Variants in ME3 observed in about 807,000 individuals in gnomAD.
ME3 encodes malic enzyme 3.
Under a neutral mutation model 68.9 loss-of-function variants are expected in ME3, and 48 were observed. That is an observed-to-expected ratio of 0.70 (90% CI 0.55 to 0.89). The LOEUF (loss-of-function observed/expected upper bound fraction) is 0.89, where lower values mean the gene tolerates loss of function less well. ME3 is among the 40% of genes least tolerant of loss of function. The pLI is 0.00. For synonymous variants in ME3, 320 were observed against 318.8 expected, an observed-to-expected ratio of 1.00 and a Z score of -0.04; for missense variants, 675 against 797.4, an observed-to-expected ratio of 0.85 and a Z score of 1.85.
At chr11:86,501,293 C>T (rs987022873) in intron 5 of ME3, among the ~76,000 whole-genome samples, 1 of 152,002 alleles carries the variant, frequency 6.6e-6, no homozygotes, top group African/African-American at 2.4e-5. Flanking sequence ...ATGGTTGCTG[C>T]TCTTATGACT....
chr11:86,615,051 A>G (rs952941325), intron 2 of ME3, among the ~76,000 whole-genome samples: 2 of 152,224 alleles, frequency 1.3e-5, no homozygotes, highest in Non-Finnish European at 2.9e-5. Context: ...ACGGAGTATG[A>G]AAAACCAAGA....
chr11:86,579,991 A>G (rs10898502), intron 2 of ME3, among the ~76,000 whole-genome samples: 41,126 of 152,118 alleles, frequency 0.27, 7,787 homozygotes, highest in African/African-American at 0.54. Flanking sequence ...AGCTGATACA[A>G]TCAACATTGA....
At chr11:86,556,742 C>T (rs1298155033) in intron 3 of ME3, 40 bp from the exon 4 acceptor site, 4 of 1,603,556 alleles carry the variant, frequency 2.5e-6, no homozygotes, top group East Asian at 2.2e-5. Context: ...CATGTGGTAG[C>T]AGCAGGCCCT....
chr11:86,596,065 C>A (rs752066856), intron 2 of ME3, among the ~76,000 whole-genome samples: 4 of 152,220 alleles, frequency 2.6e-5, no homozygotes, highest in African/African-American at 4.8e-5. Flanking sequence ...ATTAAAAATT[C>A]TTTTATATTT....
chr11:86,548,790 G>C (rs773346277), intron 4 of ME3, among the ~76,000 whole-genome samples: 5 of 152,074 alleles, frequency 3.3e-5, no homozygotes, highest in African/African-American at 7.2e-5. Flanking sequence ...AGGGATTATA[G>C]GTCACGCTAC....
intron 2 of ME3, among the ~76,000 whole-genome samples, chr11:86,595,905 G>T (rs1050700493): frequency 6.6e-6 from 1 of 152,150 alleles, no homozygotes; most frequent in African/African-American, 2.4e-5. Context: ...ATACCTTCTC[G>T]GCCCCAGACA....
At chr11:86,572,529 G>A (rs931927423) in intron 2 of ME3, among the ~76,000 whole-genome samples, 4 of 152,156 alleles carry the variant, frequency 2.6e-5, no homozygotes, top group Non-Finnish European at 4.4e-5. Flanking sequence ...GAGAACATGC[G>A]GCGTTTGGCT....
chr11:86,587,466 C>T (rs1351593250), intron 2 of ME3, among the ~76,000 whole-genome samples: 3 of 152,216 alleles, frequency 2.0e-5, no homozygotes, highest in African/African-American at 7.2e-5. Context: ...TCGCTTTCCT[C>T]ATGCCCCACC....
chr11:86,659,385 T>G (rs1388406170), intron 2 of ME3, among the ~76,000 whole-genome samples: 1 of 152,152 alleles, frequency 6.6e-6, no homozygotes. Flanking sequence ...GAGACAGACA[T>G]CACTCAAGGA....
intron 2 of ME3, among the ~76,000 whole-genome samples, chr11:86,624,959 C>A (rs987859829): frequency 6.6e-6 from 1 of 152,038 alleles, no homozygotes; most frequent in East Asian, 1.9e-4. Flanking sequence ...GAGATGAGAC[C>A]AGAGAGGTAG....
intron 5 of ME3, among the ~76,000 whole-genome samples, chr11:86,508,381 G>A (rs75109706): frequency 0.011 from 1,653 of 152,246 alleles, 35 homozygotes; most frequent in African/African-American, 0.037. Context: ...TTCTTTTCGT[G>A]TACTTTATTT....
intron 4 of ME3, among the ~76,000 whole-genome samples, chr11:86,552,693 C>A (rs1038732305): frequency 6.6e-6 from 1 of 152,144 alleles, no homozygotes; most frequent in African/African-American, 2.4e-5. Context: ...GACTCCTCTG[C>A]CATAGTTCAA....
chr11:86,568,340 C>T (rs1957599052), intron 2 of ME3, among the ~76,000 whole-genome samples: 1 of 152,224 alleles, frequency 6.6e-6, no homozygotes, highest in Non-Finnish European at 1.5e-5. Flanking sequence ...ATCTAACAAC[C>T]AATGGGTTAA....
chr11:86,534,081 G>GTA (rs57566563), intron 4 of ME3, among the ~76,000 whole-genome samples: 698 of 127,470 alleles, frequency 5.5e-3, no homozygotes, highest in South Asian at 0.01. Context: ...GTGTGTGTGT[G>GTA]TATATATATA....
chr11:86,600,605 A>AT (rs1282632349), intron 2 of ME3, among the ~76,000 whole-genome samples: 1 of 151,482 alleles, frequency 6.6e-6, no homozygotes, highest in Non-Finnish European at 1.5e-5. Context: ...AGCGGACCTA[A>AT]TAGACATCTA....
intron 7 of ME3, among the ~76,000 whole-genome samples, chr11:86,472,826 A>G (rs571468321): frequency 1.3e-5 from 2 of 152,318 alleles, no homozygotes; most frequent in South Asian, 2.1e-4. Flanking sequence ...GATGAATGAG[A>G]AGGAGGAGCC....
chr11:86,558,538 A>G lies in ME3; in HGVS notation c.317+1152T>C, dbSNP rs539930140. Among the ~76,000 whole-genome samples, 13 of 152,246 alleles carry G rather than the reference A, an allele frequency of 8.5e-5. No homozygotes were observed. The South Asian group carries it at 1.5e-3, about 17-fold the overall frequency. On this transcript the variant is annotated intron_variant, in intron 3 of 14. Transcript: ENST00000543262. ...GATGGTATGAGGGAAACAGAGGAAT[A>G]TGAGTGCAGGGTGACCCTGGCATGC...
intron 7 of ME3, among the ~76,000 whole-genome samples, chr11:86,483,387 G>T (rs760488401): frequency 2.6e-5 from 4 of 152,160 alleles, no homozygotes; most frequent in Non-Finnish European, 5.9e-5. Flanking sequence ...GTGGTAACTG[G>T]CTCCAGATAT....
At chr11:86,648,006 A>G (rs1300332283) in intron 2 of ME3, among the ~76,000 whole-genome samples, 1 of 152,240 alleles carries the variant, frequency 6.6e-6, no homozygotes, top group Non-Finnish European at 1.5e-5. Context: ...ACATAATTGG[A>G]AGTAAAATAC....
Sources: allele counts gnomAD v4.1 joint callset (sites outside exome capture counted in the v4.1 genomes callset), GRCh38; gene constraint gnomAD v4.1.1; transcripts MANE v1.5; gene names NCBI Gene and HGNC (gene_info 2026-07-23, HGNC 2026-07-21).